The following MINDY3 variants were observed in gnomAD, a reference collection of about 807,000 sequenced individuals.
MINDY3 encodes ubiquitin carboxyl-terminal hydrolase MINDY-3.
In MINDY3, 38 loss-of-function variants were observed where a neutral mutation model predicts 69.2. The observed-to-expected ratio is 0.55, with a 90% CI of 0.42 to 0.72. The LOEUF is 0.72. Among genes scored for constraint, MINDY3 ranks in the 30% least tolerant of loss-of-function variants. MINDY3 has a pLI of 0.00. For synonymous variants in MINDY3, 192 were observed against 180.1 expected (o/e 1.07, Z -0.53); for missense variants, 522 against 519.0 (o/e 1.01, Z -0.06).
chr10:15,789,465 T>C (rs1837249003), intron 11 of MINDY3, 146 bp from the exon 12 acceptor site: 5 of 561,520 alleles, frequency 8.9e-6, no homozygotes, highest in Non-Finnish European at 1.6e-5. Context: ...TTAGGCATAG[T>C]GCCTATTGCT....
At chr10:15,786,704 T>G in intron 12 of MINDY3, 56 bp from the exon 13 acceptor site, 1 of 1,036,746 alleles carries the variant, frequency 9.6e-7, no homozygotes, top group Non-Finnish European at 1.5e-6. Context: ...AAAGCTGCTT[T>G]TCTTTCATGA....
intron 13 of MINDY3, among the ~76,000 whole-genome samples, chr10:15,782,582 C>T (rs2131821947): frequency 6.6e-6 from 1 of 152,154 alleles, no homozygotes; most frequent in African/African-American, 2.4e-5. Context: ...ATAATTTGTT[C>T]CTCTCAATGA....
At chr10:15,836,667 C>A (rs1006952061) in intron 6 of MINDY3, among the ~76,000 whole-genome samples, 1 of 150,740 alleles carries the variant, frequency 6.6e-6, no homozygotes, top group Non-Finnish European at 1.5e-5. Flanking sequence ...ATAAAGGTAA[C>A]CTGAGCAAAT....
intron 9 of MINDY3, among the ~76,000 whole-genome samples, chr10:15,818,743 A>G (rs141855364): frequency 6.6e-6 from 1 of 152,350 alleles, no homozygotes; most frequent in East Asian, 1.9e-4. Flanking sequence ...ACGAAAGGCT[A>G]TATACTACAT....
rs559011346 is a variant in MINDY3, at chr10:15,823,658, G to A, written c.731-1932C>T. Among the ~76,000 whole-genome samples, 4 of 152,192 alleles carry A rather than the reference G, an allele frequency of 2.6e-5. No homozygotes were observed. In the East Asian group the frequency reaches 7.7e-4, roughly 29 times the overall value. ...CATATACTACATAATGATCAAGCCAGGGTATGAAGAGTATCCACTGCTCAA... is the reference window on the plus strand; with the variant it reads ...CATATACTACATAATGATCAAGCCAAGGTATGAAGAGTATCCACTGCTCAA... On this transcript the variant is annotated intron_variant, in intron 8 of 14. Transcript: ENST00000277632.
intron 8 of MINDY3, among the ~76,000 whole-genome samples, 167 bp downstream of exon 8, chr10:15,833,463 T>A (rs1832865444): frequency 6.6e-6 from 1 of 152,204 alleles, no homozygotes; most frequent in Non-Finnish European, 1.5e-5. Flanking sequence ...GCTCCAAGAT[T>A]AATGGTCTTA....
chr10:15,830,406 G>A (rs889897291), intron 8 of MINDY3, among the ~76,000 whole-genome samples: 1 of 152,222 alleles, frequency 6.6e-6, no homozygotes, highest in Admixed American at 6.5e-5. Context: ...GAGGCACTGA[G>A]TGAAGCATCT....
intron 8 of MINDY3, among the ~76,000 whole-genome samples, chr10:15,831,560 G>A (rs1321709121): frequency 1.3e-5 from 2 of 151,414 alleles, no homozygotes; most frequent in East Asian, 3.9e-4. Context: ...CTATTTCAAG[G>A]AACAAAAACG....
At chr10:15,799,871 C>T (rs1838131549) in intron 10 of MINDY3, among the ~76,000 whole-genome samples, 1 of 152,122 alleles carries the variant, frequency 6.6e-6, no homozygotes, top group Non-Finnish European at 1.5e-5. Flanking sequence ...TCACTGTTAG[C>T]TAACTGCGAG....
At chr10:15,840,597 T>C (rs1210418583) in intron 4 of MINDY3, among the ~76,000 whole-genome samples, 2 of 151,180 alleles carry the variant, frequency 1.3e-5, no homozygotes, top group East Asian at 1.9e-4. Context: ...TTACGAAAAC[T>C]TTCCACAAAG....
chr10:15,842,625 CCTAA>C (rs1182242548), intron 3 of MINDY3, among the ~76,000 whole-genome samples: 1 of 151,656 alleles, frequency 6.6e-6, no homozygotes, highest in Non-Finnish European at 1.5e-5. Flanking sequence ...TGTAATGTGT[CCTAA>C]CTTCTTCCAG....
Position 15,790,452 on chromosome 10 carries a change from G to A in MINDY3, c.956-1133C>T, listed in dbSNP as rs150249147. Reference sequence around the variant, plus strand: ...AATTTGAGGTACTGAGAATAAAGACGACCTTGGTTGAAGGCACTTGTGAAA... The same window carrying A: ...AATTTGAGGTACTGAGAATAAAGACAACCTTGGTTGAAGGCACTTGTGAAA... On this transcript the variant is annotated intron_variant, in intron 11 of 14. Coordinates refer to ENST00000277632, the MANE Select transcript of MINDY3 (RefSeq NM_024948.4). Among the ~76,000 whole-genome samples, 474 of 152,134 alleles carry A rather than the reference G, an allele frequency of 3.1e-3. 3 individuals carry two copies. Among genetic ancestry groups the A allele is most frequent in the African/African-American group, 0.011 (451 of 41,534 alleles).
intron 11 of MINDY3, among the ~76,000 whole-genome samples, chr10:15,792,542 A>G (rs1330743778): frequency 1.3e-5 from 2 of 152,074 alleles, no homozygotes; most frequent in African/African-American, 4.8e-5. Flanking sequence ...CATTTATTTA[A>G]AAGGAACAGA....
chr10:15,812,159 T>TCGAA (rs1471777602), intron 10 of MINDY3, among the ~76,000 whole-genome samples: 1 of 152,146 alleles, frequency 6.6e-6, no homozygotes, highest in Non-Finnish European at 1.5e-5. Flanking sequence ...CAGGCTGGTC[T>TCGAA]CGAACTCCTG....
Position 15,779,201 on chromosome 10 carries a change from A to G in MINDY3, c.1189-60T>C, listed in dbSNP as rs563988720. The stretch of plus-strand genomic sequence containing the variant: ...ACAGTCTTAGCAAATTCTTATGTGG[A>G]ATGAAAACAATTTTTAGAGGCTAGC... On this transcript the variant is annotated intron_variant, in intron 14 of 14. Transcript: ENST00000277632. 1,317 of 1,481,976 alleles carry G rather than the reference A, an allele frequency of 8.9e-4. 4 individuals are homozygous for G. Among genetic ancestry groups the G allele is most frequent in the Non-Finnish European group, 1.1e-3 (1,218 of 1,092,872 alleles). The allele number at this position is 1,481,976 out of a possible 1,614,324, so 91.8% of individuals were successfully genotyped here.
At chr10:15,848,625 C>T (rs1482427858) in intron 1 of MINDY3, among the ~76,000 whole-genome samples, 10 of 75,258 alleles carry the variant, frequency 1.3e-4, no homozygotes, top group African/African-American at 6.5e-4. Context: ...CAGAGCTAGA[C>T]TTCATCTCAA....
intron 14 of MINDY3, among the ~76,000 whole-genome samples, chr10:15,781,086 C>T (rs891994352): frequency 1.3e-5 from 2 of 152,124 alleles, no homozygotes; most frequent in Non-Finnish European, 2.9e-5. Flanking sequence ...ATGAAGCACT[C>T]ATTCGCACAT....
intron 10 of MINDY3, among the ~76,000 whole-genome samples, chr10:15,804,366 A>T (rs1295423739): frequency 6.6e-6 from 1 of 152,190 alleles, no homozygotes; most frequent in African/African-American, 2.4e-5. Context: ...TAAACCTTTT[A>T]AAATGTTGTA....
At chr10:15,788,108 C>T (rs901356337) in intron 12 of MINDY3, among the ~76,000 whole-genome samples, 5 of 151,814 alleles carry the variant, frequency 3.3e-5, no homozygotes, top group African/African-American at 1.2e-4. Flanking sequence ...TCTTCCTTGT[C>T]TTAGGCTGGT....
Sources: allele counts gnomAD v4.1 joint callset (sites outside exome capture counted in the v4.1 genomes callset), GRCh38; gene constraint gnomAD v4.1.1; transcripts MANE v1.5; gene names NCBI Gene and HGNC (gene_info 2026-07-23, HGNC 2026-07-21).